The following RC3H1 variants were observed in gnomAD, a reference collection of about 807,000 sequenced individuals.
The protein encoded by RC3H1 is ring finger and CCCH-type domains 1, also known as roquin-1.
A neutral mutation model predicts 138.2 loss-of-function variants in RC3H1; 50 were observed. That is an observed-to-expected ratio of 0.36 (90% CI 0.29 to 0.46). The LOEUF is 0.46. Ranked by LOEUF, RC3H1 falls within the 20% of genes least tolerant of loss-of-function variation. RC3H1 has a pLI of 1.00. For synonymous variants in RC3H1, 462 were observed against 489.1 expected (o/e 0.94, Z 0.73); for missense variants, 1,031 against 1,388.1 (o/e 0.74, Z 4.09).
Position 173,938,823 on chromosome 1 carries a change from T to C in RC3H1, c.3300A>G (p.Leu1100=), listed in dbSNP as rs777370452. ...SALTQENISL[L]SNKTSSLNLS... Reference sequence around the variant, plus strand: ...GGTTCAGAGAGCTGGTCTTGTTTGATAGGAGGCTGATATTCTCTTGTGTCA... The same window carrying C: ...GGTTCAGAGAGCTGGTCTTGTTTGACAGGAGGCTGATATTCTCTTGTGTCA... Residue 1100 remains leucine (L), a synonymous_variant, in exon 20 of 20, where the codon CTA becomes CTG. Coordinates refer to ENST00000367696, the MANE Select transcript of RC3H1 (RefSeq NM_172071.4). The C allele has an allele frequency of 2.0e-4, 323 of 1,613,630 alleles. 3 individuals are homozygous for C. Among genetic ancestry groups the C allele is most frequent in the Admixed American group, 1.7e-5 (1 of 59,984 alleles).
intron 2 of RC3H1, among the ~76,000 whole-genome samples, chr1:173,984,888 T>A (rs1002957808): frequency 6.6e-6 from 1 of 152,210 alleles, no homozygotes; most frequent in Non-Finnish European, 1.5e-5. Context: ...ATATTCACAG[T>A]TGTCCAAACA....
chr1:174,012,838 G>GA (rs1661793523), intron 1 of RC3H1, among the ~76,000 whole-genome samples: 2 of 151,110 alleles, frequency 1.3e-5, no homozygotes, highest in South Asian at 4.2e-4. Context: ...AGGAGATCTA[G>GA]ATTCTAATAC....
intron 1 of RC3H1, among the ~76,000 whole-genome samples, chr1:174,010,885 A>T (rs1222876220): frequency 6.6e-6 from 1 of 152,194 alleles, no homozygotes; most frequent in Non-Finnish European, 1.5e-5. Context: ...CTGAGGAGTG[A>T]TTACTCATGA....
At chr1:173,999,930 G>A (rs1661534916) in intron 1 of RC3H1, among the ~76,000 whole-genome samples, 1 of 152,208 alleles carries the variant, frequency 6.6e-6, no homozygotes, top group South Asian at 2.1e-4. Flanking sequence ...ACTCAGGACA[G>A]CCAAACTCCC....
chr1:173,944,568 A>AAAACAAAC, intron 17 of RC3H1, among the ~76,000 whole-genome samples: 1 of 152,304 alleles, frequency 6.6e-6, no homozygotes, highest in Non-Finnish European at 1.5e-5. Context: ...TAAAGTATAT[A>AAAACAAAC]AAACAAACAA....
At chr1:174,014,477 A>G (rs1330523040) in intron 1 of RC3H1, among the ~76,000 whole-genome samples, 1 of 152,204 alleles carries the variant, frequency 6.6e-6, no homozygotes, top group African/African-American at 2.4e-5. Context: ...GAAAATGAGA[A>G]TGGCATATGA....
chr1:173,972,770 A>T, intron 7 of RC3H1, 143 bp from the exon 8 acceptor site: 1 of 622,208 alleles, frequency 1.6e-6, no homozygotes, highest in Non-Finnish European at 2.9e-6. Context: ...TTATTCACCT[A>T]ACCATCATTT....
chr1:173,995,937 T>A (rs909641252), intron 1 of RC3H1, among the ~76,000 whole-genome samples: 7 of 152,184 alleles, frequency 4.6e-5, no homozygotes, highest in Admixed American at 4.6e-4. Flanking sequence ...TAATAAGATT[T>A]AAAAGACCAG....
At chr1:173,965,574 A>G (rs1315954708) in intron 9 of RC3H1, among the ~76,000 whole-genome samples, 1 of 144,088 alleles carries the variant, frequency 6.9e-6, no homozygotes, top group Non-Finnish European at 1.5e-5. Flanking sequence ...CTGGCGACAG[A>G]GCGAGATTCT....
intron 14 of RC3H1, among the ~76,000 whole-genome samples, chr1:173,948,426 AT>A (rs1659229984): frequency 6.6e-6 from 1 of 151,964 alleles, no homozygotes; most frequent in African/African-American, 2.4e-5. Context: ...ATATATATAT[AT>A]AATGACCTAG....
chr1:173,942,154 A>G (rs777697414), intron 18 of RC3H1, among the ~76,000 whole-genome samples: 2 of 151,726 alleles, frequency 1.3e-5, no homozygotes, highest in African/African-American at 4.8e-5. Context: ...AGGCAGAAGA[A>G]TCACTTGAAC....
At position 174,009,931 on chromosome 1, in the gene RC3H1, C is replaced by T. The variant is rs574266448; in HGVS notation, c.-151+12165G>A. ...TTATGCGGATCACATGCAAACACTTCGTCCTCGCAATGAGCCTATTTGGTC... is the reference window on the plus strand; with the variant it reads ...TTATGCGGATCACATGCAAACACTTTGTCCTCGCAATGAGCCTATTTGGTC... On this transcript the variant is annotated intron_variant, in intron 1 of 19. Coordinates refer to ENST00000367696, the MANE Select transcript of RC3H1 (RefSeq NM_172071.4). 2.8e-3 allele frequency among the ~76,000 whole-genome samples: 425 copies of T among 152,250 alleles called. 5 individuals are homozygous for T. Among genetic ancestry groups the T allele is most frequent in the African/African-American group, 9.6e-3 (401 of 41,566 alleles).
chr1:173,990,348 G>A (rs1039963450), intron 2 of RC3H1, among the ~76,000 whole-genome samples: 11 of 151,508 alleles, frequency 7.3e-5, no homozygotes, highest in Non-Finnish European at 1.3e-4. Context: ...CAAACTATTG[G>A]GATTATAGGC....
rs564155725 is a variant in RC3H1 at position 174,000,186 on chromosome 1, T to G, written c.-150-7051A>C. 1.1e-3 allele frequency among the ~76,000 whole-genome samples: 175 copies of G among 152,328 alleles called. 1 individual carries two copies. Among genetic ancestry groups the G allele is most frequent in the African/African-American group, 4.1e-3 (171 of 41,580 alleles). On this transcript the variant is annotated intron_variant, in intron 1 of 19. Transcript: ENST00000367696. ...TTAAGGGCTTTTTAATAGTCTTAGT[T>G]TTCAAAAATGTTAAGTAATAATGTA...
rs1346184155 is a variant in RC3H1, at chr1:173,934,113, A to G, written c.*4608T>C. 6.6e-6 allele frequency: 1 copy of G among 152,190 alleles called. No individual in the cohort carries two copies. The highest frequency in any genetic ancestry group is 6.5e-5 in the Admixed American group (1 of 15,282). The allele number at this position is 152,190 out of a possible 1,614,324, so 9.4% of individuals were successfully genotyped here. ...CTTTACTCAATTATTTAAAACGAGC[A>G]AAAAGAGAGTAGAAAAATGGTGAGA... On this transcript the variant is annotated 3_prime_UTR_variant, in exon 20 of 20. Coordinates refer to ENST00000367696, the MANE Select transcript of RC3H1 (RefSeq NM_172071.4).
intron 1 of RC3H1, among the ~76,000 whole-genome samples, chr1:174,004,647 A>C (rs1169833760): frequency 7.9e-6 from 1 of 126,262 alleles, no homozygotes; most frequent in African/African-American, 4.4e-5. Context: ...CTCTACTAAA[A>C]ATACAAAAAA....
At chr1:173,984,145 T>A (rs775478111) in intron 3 of RC3H1, among the ~76,000 whole-genome samples, 1 of 152,218 alleles carries the variant, frequency 6.6e-6, no homozygotes, top group Non-Finnish European at 1.5e-5. Context: ...TGTCAAATGA[T>A]GGAAAGCACT....
At chr1:173,980,646 T>C (rs1473866855) in intron 6 of RC3H1, among the ~76,000 whole-genome samples, 163 bp downstream of exon 6, 2 of 152,170 alleles carry the variant, frequency 1.3e-5, no homozygotes, top group Non-Finnish European at 2.9e-5. Context: ...ATCAAATCTT[T>C]AAATGAACAA....
At chr1:173,944,948 G>T (rs1659070331) in intron 17 of RC3H1, among the ~76,000 whole-genome samples, 1 of 151,940 alleles carries the variant, frequency 6.6e-6, no homozygotes, top group South Asian at 2.1e-4. Flanking sequence ...TAAAGATTAT[G>T]GTAGAAAGAC....
Sources: gnomAD v4.1 joint callset for allele counts (sites outside exome capture counted in the v4.1 genomes callset) on GRCh38, gnomAD v4.1.1 for gene constraint, MANE v1.5 for transcripts, NCBI Gene and HGNC (gene_info 2026-07-23, HGNC 2026-07-21) for gene names.